SLC24A3: variants seen among roughly 807,000 people sequenced by gnomAD.
SLC24A3 encodes the protein solute carrier family 24 member 3.
A neutral mutation model predicts 75.8 loss-of-function variants in SLC24A3; 28 were observed. The observed-to-expected ratio is 0.37, with a 90% CI of 0.27 to 0.51. SLC24A3 has a LOEUF of 0.51. SLC24A3 is among the 20% of genes least tolerant of loss of function. The pLI is 0.94. For missense variants in SLC24A3, 663 were observed against 847.8 expected, an observed-to-expected ratio of 0.78 and a Z score of 2.71; for synonymous variants, 372 against 334.1, an observed-to-expected ratio of 1.11 and a Z score of -1.24.
chr20:19,401,689 G>A (rs1175364275), intron 2 of SLC24A3, among the ~76,000 whole-genome samples: 1 of 152,178 alleles, frequency 6.6e-6, no homozygotes, highest in Non-Finnish European at 1.5e-5. Context: ...CTTTGTCCAA[G>A]GGCTTTCTTT....
intron 4 of SLC24A3, 134 bp from the exon 5 acceptor site, chr20:19,584,837 C>T (rs1362674885): frequency 5.8e-6 from 4 of 692,208 alleles, no homozygotes; most frequent in Admixed American, 2.7e-5. Flanking sequence ...GTACCAGCCC[C>T]AGGTCCCATC....
chr20:19,279,934 G>A (rs368199903), intron 1 of SLC24A3, among the ~76,000 whole-genome samples: 24 of 152,290 alleles, frequency 1.6e-4, no homozygotes, highest in African/African-American at 4.6e-4. Context: ...CTATCTACAC[G>A]GTACCTAAAG....
chr20:19,553,980 G>T (rs539196756), intron 3 of SLC24A3, among the ~76,000 whole-genome samples: 1 of 152,282 alleles, frequency 6.6e-6, no homozygotes, highest in East Asian at 1.9e-4. Context: ...AGAAAAGGCA[G>T]AAATTGACTC....
intron 6 of SLC24A3, among the ~76,000 whole-genome samples, chr20:19,606,227 G>A (rs1050261322): frequency 1.3e-5 from 2 of 152,152 alleles, no homozygotes; most frequent in African/African-American, 4.8e-5. Flanking sequence ...CATACCACTC[G>A]CCAGTGTGCA....
intron 2 of SLC24A3, among the ~76,000 whole-genome samples, chr20:19,439,595 A>G (rs1987265872): frequency 6.6e-6 from 1 of 152,210 alleles, no homozygotes; most frequent in Admixed American, 6.5e-5. Context: ...ATTACTAATA[A>G]TAGCCTGATT....
rs150209109 is a variant in SLC24A3, at chr20:19,553,997, A to C, written c.349-26003A>C. ...AAAAGGCAGAAATTGACTCTAAGGC[A>C]CTGAATGCAAACCAAGAGGAATGAA... On this transcript the variant is annotated intron_variant, in intron 3 of 16. Coordinates refer to ENST00000328041, the MANE Select transcript of SLC24A3 (RefSeq NM_020689.4). 1.2e-3 allele frequency among the ~76,000 whole-genome samples: 189 copies of C among 152,328 alleles called. 1 individual carries two copies. The highest frequency in any genetic ancestry group is 3.7e-3 in the East Asian group (19 of 5,180).
chr20:19,213,878 C>G (rs1260046833), intron 1 of SLC24A3, among the ~76,000 whole-genome samples: 5 of 152,062 alleles, frequency 3.3e-5, no homozygotes, highest in Non-Finnish European at 7.4e-5. Flanking sequence ...GTTTTATATC[C>G]CGGCCGTGGA....
chr20:19,279,293 C>T (rs774757828), intron 1 of SLC24A3, among the ~76,000 whole-genome samples: 7 of 152,206 alleles, frequency 4.6e-5, no homozygotes, highest in Admixed American at 1.3e-4. Flanking sequence ...TGTTTCCATC[C>T]GTTTTCCGCC....
intron 16 of SLC24A3, among the ~76,000 whole-genome samples, chr20:19,717,986 T>G (rs1346671794): frequency 6.6e-6 from 1 of 152,220 alleles, no homozygotes; most frequent in Admixed American, 6.5e-5. Context: ...TGACAGTACA[T>G]TTTGAGGCCA....
chr20:19,648,824 T>C (rs144002089), intron 6 of SLC24A3, among the ~76,000 whole-genome samples: 1 of 152,322 alleles, frequency 6.6e-6, no homozygotes, highest in Non-Finnish European at 1.5e-5. Flanking sequence ...GCATATTCAA[T>C]AGAGAATGTG....
chr20:19,412,985 A>G (rs1282945662), intron 2 of SLC24A3, among the ~76,000 whole-genome samples: 1 of 152,192 alleles, frequency 6.6e-6, no homozygotes. Flanking sequence ...GGAATATCCC[A>G]ACTGGTGGTT....
In SLC24A3 at chr20:19,658,428, A is replaced by T. The variant is rs188469252; in HGVS notation, c.687+4292A>T. ...ACAGAGCTCAGAACAGTTCACTCGG[A>T]CGGAGACGTGGGGCGATCCACTTCC... On this transcript the variant is annotated intron_variant, in intron 7 of 16. Transcript: ENST00000328041. 6.3e-3 allele frequency among the ~76,000 whole-genome samples: 961 copies of T among 152,336 alleles called. 10 individuals are homozygous for T. The highest frequency in any genetic ancestry group is 0.022 in the African/African-American group (911 of 41,578).
intron 3 of SLC24A3, among the ~76,000 whole-genome samples, chr20:19,546,770 T>C (rs2030603229): frequency 1.0e-5 from 1 of 99,718 alleles, no homozygotes. Flanking sequence ...GGTTTCTGCC[T>C]AGACCACTGC....
intron 3 of SLC24A3, among the ~76,000 whole-genome samples, chr20:19,548,968 C>T (rs776095688): frequency 1.9e-4 from 29 of 152,316 alleles, no homozygotes; most frequent in Non-Finnish European, 3.5e-4. Flanking sequence ...TAGCTCTTTC[C>T]ATAGAGCCAA....
At chr20:19,408,785 T>C (rs1986696400) in intron 2 of SLC24A3, among the ~76,000 whole-genome samples, 2 of 152,190 alleles carry the variant, frequency 1.3e-5, no homozygotes, top group South Asian at 2.1e-4. Context: ...AAAATACTGG[T>C]CAAAGGGTTA....
intron 2 of SLC24A3, among the ~76,000 whole-genome samples, chr20:19,377,588 T>C (rs1373281772): frequency 2.0e-5 from 3 of 152,198 alleles, no homozygotes; most frequent in Non-Finnish European, 4.4e-5. Flanking sequence ...GGCACATGAA[T>C]GTAAACATTT....
chr20:19,347,516 A>G (rs920672817), intron 2 of SLC24A3, among the ~76,000 whole-genome samples: 1 of 152,228 alleles, frequency 6.6e-6, no homozygotes, highest in African/African-American at 2.4e-5. Context: ...TTTTCCCAAA[A>G]CCACTCTAAA....
intron 9 of SLC24A3, among the ~76,000 whole-genome samples, chr20:19,680,969 T>C (rs541999390): frequency 1.3e-5 from 2 of 152,264 alleles, no homozygotes; most frequent in South Asian, 4.1e-4. Context: ...CAGTGGGCTG[T>C]CCCATGGCCA....
At chr20:19,267,618 C>T (rs371518022) in intron 1 of SLC24A3, among the ~76,000 whole-genome samples, 1 of 151,860 alleles carries the variant, frequency 6.6e-6, no homozygotes, top group Non-Finnish European at 1.5e-5. Context: ...ATTTTGATTC[C>T]AAATTTTTAA....
Sources: allele counts gnomAD v4.1 joint callset (sites outside exome capture counted in the v4.1 genomes callset), GRCh38; gene constraint gnomAD v4.1.1; transcripts MANE v1.5; gene names NCBI Gene and HGNC (gene_info 2026-07-23, HGNC 2026-07-21).